The following GMDS variants were observed in gnomAD, a reference collection of about 807,000 sequenced individuals.
The protein encoded by GMDS is GDP-mannose 4,6 dehydratase.
A neutral mutation model predicts 49.9 loss-of-function variants in GMDS; 20 were observed. The observed-to-expected ratio is 0.40, with a 90% CI of 0.28 to 0.58. The LOEUF (loss-of-function observed/expected upper bound fraction) is 0.58, where lower values mean the gene tolerates loss of function less well. Ranked by LOEUF, GMDS falls within the 20% of genes least tolerant of loss-of-function variation. The pLI, the probability that GMDS is intolerant of heterozygous loss-of-function variation, is 0.42. For missense variants in GMDS, 362 were observed against 481.4 expected, an observed-to-expected ratio of 0.75 and a Z score of 2.32; for synonymous variants, 177 against 178.6, an observed-to-expected ratio of 0.99 and a Z score of 0.07.
rs1459757228 is a variant in GMDS at position 1,778,970 on chromosome 6, C to A, written c.772-36384G>T. ...GCCCTTCAAAGGCCTACCCCATCATCTCGCAGTGCTGGCGTGGCCTCCCAT... is the reference window on the plus strand; with the variant it reads ...GCCCTTCAAAGGCCTACCCCATCATATCGCAGTGCTGGCGTGGCCTCCCAT... On this transcript the variant is annotated intron_variant, in intron 7 of 10. Transcript: ENST00000380815. This position sits in a 1 kb window ranked among gnomAD's most constrained non-coding sequence, Gnocchi z 4.6. Among the ~76,000 whole-genome samples, 2 of 152,318 alleles carry A rather than the reference C, an allele frequency of 1.3e-5. No homozygotes were observed. Among genetic ancestry groups the A allele is most frequent in the Middle Eastern group, 3.4e-3 (1 of 294 alleles).
intron 7 of GMDS, among the ~76,000 whole-genome samples, chr6:1,866,235 T>A (rs981219674): frequency 7.2e-5 from 11 of 152,214 alleles, no homozygotes; most frequent in Non-Finnish European, 1.6e-4. Flanking sequence ...TAATGCTTAT[T>A]CCAGACCAGA....
In GMDS at chr6:1,778,122, C is replaced by T. The variant is rs184084993; in HGVS notation, c.772-35536G>A. On this transcript the variant is annotated intron_variant, in intron 7 of 10. Transcript: ENST00000380815. The surrounding 1 kb of genome is among the most constrained non-coding windows in gnomAD (Gnocchi z 4.6). ...ATTTTGATAGAGTGCCAAAACAGTA[C>T]TGCATTCCTTAAAGAGCTGAATAAA... is the stretch of plus-strand genomic sequence containing the variant. 6.6e-6 allele frequency among the ~76,000 whole-genome samples: 1 copy of T among 152,120 alleles called. No individual in the cohort carries two copies. The highest frequency in any genetic ancestry group is 6.5e-5 in the Admixed American group (1 of 15,278).
chr6:1,658,857 A>G (rs1763974294), intron 9 of GMDS, among the ~76,000 whole-genome samples: 1 of 152,226 alleles, frequency 6.6e-6, no homozygotes. Context: ...TCCAGGGAGC[A>G]ATGAGAGTTT....
chr6:2,097,110 T>G (rs1581645114), intron 4 of GMDS, among the ~76,000 whole-genome samples: 1 of 152,102 alleles, frequency 6.6e-6, no homozygotes, highest in East Asian at 1.9e-4. Context: ...AAAAAAAAGT[T>G]TGCAAATTCC....
chr6:2,056,941 ACTG>A (rs1770815185), intron 4 of GMDS, among the ~76,000 whole-genome samples: 1 of 152,220 alleles, frequency 6.6e-6, no homozygotes, highest in Admixed American at 6.5e-5. Flanking sequence ...TATATTTGAG[ACTG>A]CTGAGAAAGG....
intron 7 of GMDS, among the ~76,000 whole-genome samples, chr6:1,855,552 C>T (rs1757904648): frequency 6.6e-6 from 1 of 152,024 alleles, no homozygotes; most frequent in East Asian, 1.9e-4. Context: ...GAGAGGGTAC[C>T]TGACTTGTTA....
chr6:1,702,397 A>G (rs939957597), intron 9 of GMDS, among the ~76,000 whole-genome samples: 3 of 152,354 alleles, frequency 2.0e-5, no homozygotes, highest in African/African-American at 7.2e-5. Flanking sequence ...GATTAAAAAT[A>G]TTCTTTGCCC....
chr6:2,144,536 C>T (rs1446281436), intron 1 of GMDS, among the ~76,000 whole-genome samples: 1 of 152,240 alleles, frequency 6.6e-6, no homozygotes, highest in East Asian at 1.9e-4. Context: ...TGGCACCTAG[C>T]CTTGAATGAT....
chr6:1,921,345 A>G (rs973790169), intron 7 of GMDS, among the ~76,000 whole-genome samples: 3 of 152,246 alleles, frequency 2.0e-5, no homozygotes, highest in African/African-American at 7.2e-5. Context: ...TACTAGAAAT[A>G]TGGGTGATAC....
chr6:2,138,800 T>C lies in GMDS; in HGVS notation c.103-14069A>G, dbSNP rs1414332363. On this transcript the variant is annotated intron_variant, in intron 1 of 10. Coordinates refer to ENST00000380815, the MANE Select transcript of GMDS (RefSeq NM_001500.4). ...TTGACCTTTGAGAAAAAACTTCTCA[T>C]CAAATCTACCACAGATTTCTTGAAA... Among the ~76,000 whole-genome samples, 3 of 152,382 alleles carry C rather than the reference T, an allele frequency of 2.0e-5. No homozygotes were observed. In the East Asian group the frequency reaches 5.8e-4, roughly 29 times the overall value.
intron 7 of GMDS, among the ~76,000 whole-genome samples, chr6:1,859,992 G>T (rs2113782966): frequency 6.6e-6 from 1 of 152,238 alleles, no homozygotes; most frequent in South Asian, 2.1e-4. Flanking sequence ...TTGACCTATA[G>T]ATTGTCTTGC....
At chr6:2,197,832 C>T (rs1164701201) in intron 1 of GMDS, among the ~76,000 whole-genome samples, 3 of 152,196 alleles carry the variant, frequency 2.0e-5, no homozygotes, top group Non-Finnish European at 4.4e-5. Flanking sequence ...CACGTTCTCA[C>T]AGAGGAGCCC....
chr6:1,799,811 C>G (rs1265415088), intron 7 of GMDS, among the ~76,000 whole-genome samples: 1 of 152,158 alleles, frequency 6.6e-6, no homozygotes, highest in Non-Finnish European at 1.5e-5. Context: ...TACTTTGTTC[C>G]TAGATACACT....
intron 4 of GMDS, among the ~76,000 whole-genome samples, chr6:1,990,200 G>A (rs1581473480): frequency 6.6e-6 from 1 of 152,206 alleles, no homozygotes; most frequent in East Asian, 1.9e-4. Flanking sequence ...GGAGACTGAG[G>A]CAGGAGAATC....
chr6:1,723,427 C>T (rs1488225092), intron 9 of GMDS, among the ~76,000 whole-genome samples: 3 of 150,628 alleles, frequency 2.0e-5, no homozygotes, highest in South Asian at 2.1e-4. Flanking sequence ...CCCGGGTTCA[C>T]GCCATTCTCC....
chr6:1,866,736 G>C (rs1335892196), intron 7 of GMDS, among the ~76,000 whole-genome samples: 2 of 152,222 alleles, frequency 1.3e-5, no homozygotes, highest in Non-Finnish European at 2.9e-5. Flanking sequence ...TCCCAGAAAA[G>C]AGCAGAAAGC....
intron 4 of GMDS, among the ~76,000 whole-genome samples, chr6:1,999,992 T>TATTATATATATATTATATATATATAAA (rs1766640482): frequency 6.0e-5 from 1 of 16,618 alleles, no homozygotes; most frequent in African/African-American, 1.7e-4. Flanking sequence ...TTTATATATA[T>TATTATATATATATTATATATATATAAA]ATATTATATA....
intron 6 of GMDS, among the ~76,000 whole-genome samples, chr6:1,932,059 C>A (rs1174814948): frequency 6.6e-6 from 1 of 152,130 alleles, no homozygotes; most frequent in East Asian, 1.9e-4. Flanking sequence ...CCAGGCGCAA[C>A]GCACGTGAGA....
intron 1 of GMDS, among the ~76,000 whole-genome samples, chr6:2,148,327 C>T (rs890753378): frequency 1.2e-4 from 19 of 152,298 alleles, no homozygotes; most frequent in Admixed American, 8.5e-4. Flanking sequence ...ACCTCCAAGT[C>T]GTAAGCCGGG....
Sources: allele counts gnomAD v4.1 joint callset (sites outside exome capture counted in the v4.1 genomes callset), GRCh38; gene constraint gnomAD v4.1.1; non-coding constraint Gnocchi (gnomAD v3.1); transcripts MANE v1.5; gene names NCBI Gene and HGNC (gene_info 2026-07-23, HGNC 2026-07-21).